NRXN3: variants seen among roughly 807,000 people sequenced by gnomAD.
NRXN3 encodes neurexin III.
Under a neutral mutation model 137.6 loss-of-function variants are expected in NRXN3, and 32 were observed. The ratio of observed to expected loss-of-function variants is 0.23; its 90% CI spans 0.18 to 0.31. The LOEUF (loss-of-function observed/expected upper bound fraction) is 0.31, where lower values mean the gene tolerates loss of function less well. NRXN3 is among the 10% of genes least tolerant of loss of function. The pLI, the probability that NRXN3 is intolerant of heterozygous loss-of-function variation, is 1.00. For synonymous variants in NRXN3, 798 were observed against 784.5 expected (o/e 1.02, Z -0.29); for missense variants, 1,574 against 2,062.5 (o/e 0.76, Z 4.59).
chr14:79,399,840 A>G (rs1482290393), intron 15 of NRXN3, among the ~76,000 whole-genome samples: 2 of 152,142 alleles, frequency 1.3e-5, no homozygotes, highest in African/African-American at 2.4e-5. Context: ...TGACAGTGCT[A>G]TGCTACCTCT....
chr14:79,343,564 C>T (rs2153369416), intron 15 of NRXN3, among the ~76,000 whole-genome samples: 1 of 152,232 alleles, frequency 6.6e-6, no homozygotes, highest in African/African-American at 2.4e-5. Flanking sequence ...TTTCCTGTGC[C>T]TTTCCTGCAT....
chr14:78,757,168 G>C (rs2098672354), intron 8 of NRXN3, among the ~76,000 whole-genome samples: 1 of 152,042 alleles, frequency 6.6e-6, no homozygotes, highest in Non-Finnish European at 1.5e-5. Flanking sequence ...GGCACTTTGG[G>C]AGGCCGAGGG....
chr14:79,431,351 T>G (rs1049927862), intron 15 of NRXN3, among the ~76,000 whole-genome samples: 2 of 152,178 alleles, frequency 1.3e-5, no homozygotes, highest in African/African-American at 4.8e-5. Flanking sequence ...ATTCTACAAT[T>G]AGTGTTTGCT....
intron 20 of NRXN3, among the ~76,000 whole-genome samples, chr14:79,852,814 T>C (rs996843509): frequency 6.6e-6 from 1 of 151,946 alleles, no homozygotes; most frequent in African/African-American, 2.4e-5. Flanking sequence ...CTTTAAACTT[T>C]TTGTTTTTTT....
intron 14 of NRXN3, 43 bp downstream of exon 14, chr14:78,968,389 A>G (rs761444074): frequency 1.4e-5 from 23 of 1,589,244 alleles, no homozygotes; most frequent in African/African-American, 1.3e-5. Context: ...CCTTGTTGCA[A>G]GCACCAAGCC....
intron 15 of NRXN3, among the ~76,000 whole-genome samples, chr14:79,460,907 G>A (rs1242860819): frequency 6.6e-6 from 1 of 152,270 alleles, no homozygotes. Flanking sequence ...AATGTTCAGT[G>A]CATTCAATGT....
intron 15 of NRXN3, among the ~76,000 whole-genome samples, chr14:78,998,599 A>ATT (rs113146494): frequency 6.4e-5 from 9 of 140,066 alleles, no homozygotes; most frequent in Non-Finnish European, 9.4e-5. Flanking sequence ...GCTACATTAA[A>ATT]TTTTTTTTTT....
At chr14:79,638,069 A>G (rs1345926773) in intron 16 of NRXN3, among the ~76,000 whole-genome samples, 2 of 151,822 alleles carry the variant, frequency 1.3e-5, no homozygotes, top group Non-Finnish European at 2.9e-5. Context: ...CCATACCTCT[A>G]TACTAGTTTT....
chr14:79,469,368 A>T (rs906124693), intron 16 of NRXN3, among the ~76,000 whole-genome samples: 1 of 150,168 alleles, frequency 6.7e-6, no homozygotes, highest in African/African-American at 2.4e-5. Flanking sequence ...GAACCAGAAC[A>T]TTCCAGTATA....
chr14:78,953,051 A>G (rs1178892386), intron 10 of NRXN3, among the ~76,000 whole-genome samples: 1 of 152,222 alleles, frequency 6.6e-6, no homozygotes, highest in African/African-American at 2.4e-5. Context: ...TGCTGCTTAT[A>G]TTGCTCCTGG....
chr14:79,249,615 C>T (rs1483114125), intron 15 of NRXN3, among the ~76,000 whole-genome samples: 2 of 152,162 alleles, frequency 1.3e-5, no homozygotes, highest in East Asian at 3.9e-4. Context: ...AACCCAGCTA[C>T]TGGCACATTC....
rs193029837 is a variant in NRXN3, at chr14:79,147,557, T to A, written c.3262+159416T>A. Among the ~76,000 whole-genome samples the A allele has an allele frequency of 2.3e-4, 35 of 152,250 alleles. No individual in the cohort carries two copies. The East Asian group carries it at 6.6e-3, about 29-fold the overall frequency. On this transcript the variant is annotated intron_variant, in intron 15 of 20. Coordinates refer to ENST00000335750, the MANE Select transcript of NRXN3 (RefSeq NM_001330195.2). ...AACCTAGTTTCTTGTGAAGAGTGAT[T>A]GTTAGGAATCTTTTCTCTTTTAGCA... is the stretch of plus-strand genomic sequence containing the variant.
At chr14:78,415,546 A>G (rs188385033) in intron 4 of NRXN3, among the ~76,000 whole-genome samples, 1 of 152,314 alleles carries the variant, frequency 6.6e-6, no homozygotes, top group African/African-American at 2.4e-5. Context: ...GCTCCTTCAC[A>G]AGACCTTCAC....
intron 19 of NRXN3, among the ~76,000 whole-genome samples, chr14:79,716,709 G>A (rs1318548930): frequency 1.3e-5 from 2 of 152,108 alleles, no homozygotes; most frequent in African/African-American, 4.8e-5. Flanking sequence ...ATTCACAGAT[G>A]TCAATTTCTT....
At chr14:78,279,091 A>T (rs2074030409) in intron 3 of NRXN3, among the ~76,000 whole-genome samples, 1 of 152,208 alleles carries the variant, frequency 6.6e-6, no homozygotes, top group African/African-American at 2.4e-5. Context: ...TGTGGGTGAA[A>T]GGAGGTTTCT....
chr14:79,783,405 AAAAG>A (rs1236625406), intron 19 of NRXN3, among the ~76,000 whole-genome samples: 4 of 152,196 alleles, frequency 2.6e-5, no homozygotes, highest in African/African-American at 7.2e-5. Context: ...GCATTTTTAG[AAAAG>A]AGAGAGCTTG....
intron 2 of NRXN3, among the ~76,000 whole-genome samples, chr14:78,260,455 A>G (rs980878014): frequency 2.0e-5 from 3 of 152,182 alleles, no homozygotes; most frequent in African/African-American, 7.2e-5. Context: ...AGCTCTAATC[A>G]TGCTCCTGAG....
intron 15 of NRXN3, among the ~76,000 whole-genome samples, chr14:79,394,731 T>G (rs2153478829): frequency 6.6e-6 from 1 of 152,368 alleles, no homozygotes; most frequent in African/African-American, 2.4e-5. Flanking sequence ...TCAATACCAG[T>G]ATTTTTAAAA....
intron 15 of NRXN3, among the ~76,000 whole-genome samples, chr14:79,446,259 C>T (rs2096062439): frequency 6.6e-6 from 1 of 152,012 alleles, no homozygotes; most frequent in East Asian, 1.9e-4. Flanking sequence ...GTTTCTCAGC[C>T]CTGATGGTCA....
Sources: allele counts gnomAD v4.1 joint callset (sites outside exome capture counted in the v4.1 genomes callset), GRCh38; gene constraint gnomAD v4.1.1; transcripts MANE v1.5; gene names NCBI Gene and HGNC (gene_info 2026-07-23, HGNC 2026-07-21).